CSMD1: variants seen among roughly 807,000 people sequenced by gnomAD.
The protein encoded by CSMD1 is CUB and sushi domain-containing protein 1.
A neutral mutation model predicts 417.5 loss-of-function variants in CSMD1; 213 were observed. The ratio of observed to expected loss-of-function variants is 0.51; its 90% CI spans 0.46 to 0.57. The LOEUF is 0.57. Ranked by LOEUF, CSMD1 falls within the 20% of genes least tolerant of loss-of-function variation. CSMD1 has a pLI of 0.00. For missense variants in CSMD1, 6,923 were observed against 4,529.7 expected, an observed-to-expected ratio of 1.53 and a Z score of -15.17; for synonymous variants, 2,862 against 1,736.8, an observed-to-expected ratio of 1.65 and a Z score of -16.11.
chr8:3,251,526 A>C (rs1422417193), intron 26 of CSMD1, among the ~76,000 whole-genome samples: 8 of 152,272 alleles, frequency 5.3e-5, no homozygotes, highest in African/African-American at 1.9e-4. Flanking sequence ...CTCTTGGCTT[A>C]GGATTGACTT....
intron 3 of CSMD1, among the ~76,000 whole-genome samples, chr8:4,278,765 A>G (rs757387665): frequency 6.6e-6 from 1 of 152,210 alleles, no homozygotes; most frequent in Non-Finnish European, 1.5e-5. Flanking sequence ...ATCTGAACAA[A>G]GAGCCAAGTG....
chr8:4,213,645 G>A (rs1249869903), intron 3 of CSMD1, among the ~76,000 whole-genome samples: 3 of 152,206 alleles, frequency 2.0e-5, no homozygotes, highest in Non-Finnish European at 4.4e-5. Context: ...AGAGTAGGGT[G>A]ATTGTTGCTC....
intron 7 of CSMD1, among the ~76,000 whole-genome samples, chr8:3,638,005 A>T (rs1294682815): frequency 1.3e-5 from 2 of 152,168 alleles, no homozygotes; most frequent in African/African-American, 2.4e-5. Flanking sequence ...CCATGAGTCC[A>T]TTAAACCTAT....
chr8:3,804,048 C>G (rs561124838), intron 5 of CSMD1, among the ~76,000 whole-genome samples: 1 of 152,136 alleles, frequency 6.6e-6, no homozygotes, highest in Non-Finnish European at 1.5e-5. Context: ...CTTCCTCAGC[C>G]TCTGAGTAGC....
chr8:4,133,853 G>T (rs979253634), intron 3 of CSMD1, among the ~76,000 whole-genome samples: 2 of 152,082 alleles, frequency 1.3e-5, no homozygotes, highest in South Asian at 4.2e-4. Flanking sequence ...TTGCAATCAG[G>T]GTTACACATA....
At position 4,347,122 on chromosome 8, in the gene CSMD1, A is replaced by T. The variant is rs145012028; in HGVS notation, c.415+72831T>A. On this transcript the variant is annotated intron_variant, in intron 3 of 69. Coordinates refer to ENST00000635120, the MANE Select transcript of CSMD1 (RefSeq NM_033225.6). ...GAAGTTACTTTTTCTCCAAGGCAGGAAAGATGAATGATTTTAGCACTTGGT... is the reference window on the plus strand; with the variant it reads ...GAAGTTACTTTTTCTCCAAGGCAGGTAAGATGAATGATTTTAGCACTTGGT... Among the ~76,000 whole-genome samples, 534 of 152,296 alleles carry T rather than the reference A, an allele frequency of 3.5e-3. 3 individuals are homozygous for T. The highest frequency in any genetic ancestry group is 6.8e-3 in the Middle Eastern group (2 of 294).
At chr8:3,232,675 T>C (rs180844736) in intron 26 of CSMD1, among the ~76,000 whole-genome samples, 3 of 152,306 alleles carry the variant, frequency 2.0e-5, no homozygotes, top group Admixed American at 2.0e-4. Context: ...TGTCTTTTAA[T>C]TGGATAGTTT....
At chr8:4,247,821 C>T (rs1485708130) in intron 3 of CSMD1, among the ~76,000 whole-genome samples, 1 of 152,140 alleles carries the variant, frequency 6.6e-6, no homozygotes, top group Non-Finnish European at 1.5e-5. Flanking sequence ...TGCTTAAGTT[C>T]ACTTTGTGAC....
At chr8:3,884,012 A>G (rs1421612659) in intron 5 of CSMD1, among the ~76,000 whole-genome samples, 1 of 152,204 alleles carries the variant, frequency 6.6e-6, no homozygotes, top group East Asian at 1.9e-4. Flanking sequence ...AGAATTTGCT[A>G]AATATTTTAG....
intron 5 of CSMD1, among the ~76,000 whole-genome samples, chr8:3,897,417 C>G (rs910455397): frequency 1.3e-5 from 2 of 152,074 alleles, no homozygotes; most frequent in Non-Finnish European, 2.9e-5. Context: ...TTCTCAAAGA[C>G]CTGTTATTAA....
chr8:3,448,059 G>T (rs1484534668), intron 12 of CSMD1, among the ~76,000 whole-genome samples: 1 of 151,826 alleles, frequency 6.6e-6, no homozygotes, highest in Non-Finnish European at 1.5e-5. Context: ...TCATACACAG[G>T]ATTTCTAATA....
At position 3,409,557 on chromosome 8, in the gene CSMD1, T is replaced by C. The variant is rs1197227532; in HGVS notation, c.1610A>G (p.Lys537Arg). 1.9e-6 allele frequency: 3 copies of C among 1,610,790 alleles called. No individual in the cohort carries two copies. The highest frequency in any genetic ancestry group is 2.5e-6 in the Non-Finnish European group (3 of 1,178,494). Residue 537 changes from lysine (K) to arginine (R), a missense_variant, in exon 13 of 70, where the codon AAG (lysine) becomes AGG (arginine). Coordinates refer to ENST00000635120, the MANE Select transcript of CSMD1 (RefSeq NM_033225.6). ...ATGGAGGAAACTGCTGCCCGTCCGC[T>C]TCCCATAGGCGGGGATTCCAGGATC... ...CGDPGIPAYG[K>R]RTGSSFLHGD...
chr8:4,863,637 C>G (rs192942573), intron 1 of CSMD1, among the ~76,000 whole-genome samples: 2 of 151,972 alleles, frequency 1.3e-5, no homozygotes. Flanking sequence ...CATATCCACC[C>G]AGGGGACACA....
rs183285094 is a variant in CSMD1 at position 4,778,481 on chromosome 8, G to A, written c.86-140923C>T. Among the ~76,000 whole-genome samples the A allele has an allele frequency of 7.3e-4, 111 of 152,242 alleles. 1 individual carries two copies. The East Asian group carries it at 8.9e-3, about 12-fold the overall frequency. On this transcript the variant is annotated intron_variant, in intron 1 of 69. Transcript: ENST00000635120. ...TAATGTATTTTCTGCATGAGATAAT[G>A]CACAAAAAGCACTTTGCACTGTAAG...
intron 3 of CSMD1, among the ~76,000 whole-genome samples, chr8:4,123,705 A>G (rs748532110): frequency 6.6e-6 from 1 of 152,214 alleles, no homozygotes; most frequent in South Asian, 2.1e-4. Context: ...GTTTTATCAC[A>G]TTTGGAAGAA....
chr8:4,800,324 G>C (rs537985497), intron 1 of CSMD1, among the ~76,000 whole-genome samples: 7 of 151,594 alleles, frequency 4.6e-5, no homozygotes, highest in Non-Finnish European at 8.8e-5. Context: ...CCACCTACTC[G>C]TGAGGCTGAG....
intron 3 of CSMD1, among the ~76,000 whole-genome samples, chr8:4,410,727 G>C (rs1185161497): frequency 6.6e-6 from 1 of 152,110 alleles, no homozygotes; most frequent in Non-Finnish European, 1.5e-5. Context: ...ATGTACAGAA[G>C]ATAAAATTAT....
At chr8:4,305,014 A>G (rs549097812) in intron 3 of CSMD1, among the ~76,000 whole-genome samples, 1 of 152,280 alleles carries the variant, frequency 6.6e-6, no homozygotes, top group East Asian at 1.9e-4. Flanking sequence ...ACCCACTACA[A>G]ACACACAGTT....
At chr8:4,326,234 G>C (rs949212124) in intron 3 of CSMD1, among the ~76,000 whole-genome samples, 2 of 152,078 alleles carry the variant, frequency 1.3e-5, no homozygotes, top group African/African-American at 2.4e-5. Flanking sequence ...GAAAACCATT[G>C]GTCTAAGATG....
Sources: allele counts gnomAD v4.1 joint callset (sites outside exome capture counted in the v4.1 genomes callset), GRCh38; gene constraint gnomAD v4.1.1; transcripts MANE v1.5; gene names NCBI Gene and HGNC (gene_info 2026-07-23, HGNC 2026-07-21).